MAU2: variants seen among roughly 807,000 people sequenced by gnomAD.
MAU2 encodes MAU2 chromatid cohesion factor homolog.
MAU2 carries 9 observed loss-of-function variants against 89.1 expected under a neutral mutation model. That is an observed-to-expected ratio of 0.10 (90% confidence interval 0.06 to 0.18). The LOEUF (loss-of-function observed/expected upper bound fraction) is 0.18. Ranked by LOEUF, MAU2 falls within the 10% of genes least tolerant of loss-of-function variation. The pLI is 1.00. For missense variants in MAU2, 425 were observed against 803.5 expected, an observed-to-expected ratio of 0.53 and a Z score of 5.69; for synonymous variants, 357 against 343.4, an observed-to-expected ratio of 1.04 and a Z score of -0.44.
rs2048197427 is a variant in MAU2, at chr19:19,357,900, G to C, written c.*2118G>C. 6.6e-6 allele frequency: 1 copy of C among 151,870 alleles called. No homozygotes were observed. Among genetic ancestry groups the C allele is most frequent in the South Asian group, 2.1e-4 (1 of 4,814 alleles). The allele number at this position is 151,870 out of a possible 1,614,324, so 9.4% of individuals were successfully genotyped here. On this transcript the variant is annotated 3_prime_UTR_variant, in exon 19 of 19. Coordinates refer to ENST00000262815, the MANE Select transcript of MAU2 (RefSeq NM_015329.4). ...TAAGTACTTTCCTGTGGGTCGCTCA[G>C]CGCCTCATAGCATCTCATTCAATTG... is the stretch of plus-strand genomic sequence containing the variant.
chr19:19,340,578 G>A (rs1261651448), intron 5 of MAU2, among the ~76,000 whole-genome samples: 1 of 152,120 alleles, frequency 6.6e-6, no homozygotes, highest in African/African-American at 2.4e-5. Flanking sequence ...GGCTGAGCTT[G>A]CAGTGAGCTG....
At chr19:19,321,697 CA>C (rs2061458779) in intron 1 of MAU2, 1 of 152,318 alleles carries the variant, frequency 6.6e-6, no homozygotes, top group Admixed American at 6.5e-5. Flanking sequence ...CTTGTGCCCC[CA>C]TCAATAATGC....
At chr19:19,338,411 G>A (rs1426412165) in intron 4 of MAU2, among the ~76,000 whole-genome samples, 1 of 152,236 alleles carries the variant, frequency 6.6e-6, no homozygotes, top group Non-Finnish European at 1.5e-5. Flanking sequence ...CCAGGCATGT[G>A]CCTCCCTTTC....
rs373693294 is a variant in MAU2, at chr19:19,354,341, C to T, written c.1549-14C>T. On this transcript the variant is annotated splice_polypyrimidine_tract_variant and intron_variant, in intron 16 of 18. Transcript: ENST00000262815. ...CCAGGCTCCTCACTCCCCCTTGCTG[C>T]TCTTGGTTGACAGGAGAGTAACAAC... The T allele has an allele frequency of 1.9e-6, 3 of 1,610,342 alleles. No individual in the cohort carries two copies. In the African/African-American group the frequency reaches 4.0e-5, roughly 22 times the overall value.
intron 5 of MAU2, 78 bp from the exon 6 acceptor site, chr19:19,340,768 T>C: frequency 6.5e-7 from 1 of 1,532,646 alleles, no homozygotes; most frequent in African/African-American, 1.4e-5. Flanking sequence ...TTAGGTCCTG[T>C]GAGCCTTGGG....
chr19:19,354,172 T>C, intron 16 of MAU2, 183 bp from the exon 17 acceptor site: 1 of 624,054 alleles, frequency 1.6e-6, no homozygotes, highest in South Asian at 1.8e-5. Context: ...TCAGTGATAC[T>C]TCAGAGAGGG....
chr19:19,346,490 AAC>A (rs1453126959), intron 12 of MAU2, among the ~76,000 whole-genome samples: 1 of 151,804 alleles, frequency 6.6e-6, no homozygotes. Flanking sequence ...CCTAACCCCA[AAC>A]ACACACGCCT....
intron 6 of MAU2, 152 bp downstream of exon 6, chr19:19,341,025 G>A: frequency 2.0e-5 from 22 of 1,125,668 alleles, no homozygotes; most frequent in Non-Finnish European, 2.6e-5. Flanking sequence ...GGAATGTGAG[G>A]CCCGGGCCCT....
At chr19:19,343,405 C>G (rs2146691272) in intron 9 of MAU2, among the ~76,000 whole-genome samples, 1 of 152,318 alleles carries the variant, frequency 6.6e-6, no homozygotes, top group South Asian at 2.1e-4. Flanking sequence ...CGGATAGGCC[C>G]TGTGCTTCTC....
intron 13 of MAU2, chr19:19,348,686 C>T (rs1327157462): frequency 6.0e-6 from 4 of 668,000 alleles, no homozygotes; most frequent in East Asian, 2.7e-5. Flanking sequence ...CAGGGTGGCA[C>T]AGGCAGGGCT....
chr19:19,322,594 T>A (rs1271691500), intron 1 of MAU2, among the ~76,000 whole-genome samples: 1 of 151,990 alleles, frequency 6.6e-6, no homozygotes, highest in Non-Finnish European at 1.5e-5. Context: ...TGAAACCCTG[T>A]CTCAGAAAAA....
chr19:19,344,601 A>G (rs932624142), intron 10 of MAU2: 4 of 565,778 alleles, frequency 7.1e-6, no homozygotes, highest in African/African-American at 1.9e-5. Flanking sequence ...AGTAGGCTGG[A>G]GGTCCTTTAC....
intron 1 of MAU2, chr19:19,321,566 G>C (rs2061456858): frequency 6.3e-6 from 1 of 157,982 alleles, no homozygotes; most frequent in South Asian, 1.9e-4. Flanking sequence ...TTGGGGTAGG[G>C]GTTGGCGAAG....
intron 9 of MAU2, 24 bp downstream of exon 9, chr19:19,342,890 A>C (rs543012604): frequency 6.2e-7 from 1 of 1,612,274 alleles, no homozygotes; most frequent in Non-Finnish European, 8.5e-7. Context: ...TCGGCTGGCC[A>C]CATGGCCACA....
chr19:19,355,003 T>C, intron 17 of MAU2: 1 of 441,166 alleles, frequency 2.3e-6, no homozygotes, highest in Non-Finnish European at 4.2e-6. Context: ...GCCTGAGGGC[T>C]GGCCATGGGC....
intron 1 of MAU2, among the ~76,000 whole-genome samples, chr19:19,323,418 T>C (rs2061479680): frequency 6.6e-6 from 1 of 152,184 alleles, no homozygotes; most frequent in Non-Finnish European, 1.5e-5. Flanking sequence ...GGTTTCGAAC[T>C]CCTGACCTCA....
chr19:19,335,078 G>C (rs2061585767), intron 1 of MAU2, among the ~76,000 whole-genome samples: 1 of 152,190 alleles, frequency 6.6e-6, no homozygotes, highest in Admixed American at 6.5e-5. Context: ...GAACTTTAGG[G>C]CACAGTGGTC....
chr19:19,343,870 A>G lies in MAU2; in HGVS notation c.1007A>G (p.Gln336Arg). 1 of 1,613,710 alleles carries G rather than the reference A, an allele frequency of 6.2e-7. No individual in the cohort carries two copies. The highest frequency in any genetic ancestry group is 8.5e-7 in the Non-Finnish European group (1 of 1,179,994). Reference protein sequence around the residue: ...LDCSPILSSFQVILLEHIIMC... With the variant: ...LDCSPILSSFRVILLEHIIMC... ...TGCAGCCCCATCCTGTCATCCTTCC[A>G]AGTGATCCTGCTGGAGCACATCATC... The change falls in exon 10 of 19, where the codon CAA becomes CGA. Residue 336 changes from glutamine (Q) to arginine (R), a missense_variant. Transcript: ENST00000262815.
At chr19:19,351,236 G>T (rs1260016252) in intron 16 of MAU2, among the ~76,000 whole-genome samples, 1 of 151,690 alleles carries the variant, frequency 6.6e-6, no homozygotes. Flanking sequence ...TTTTGGTAGA[G>T]ACTGGGTCTC....
Sources: gnomAD v4.1 joint callset for allele counts (sites outside exome capture counted in the v4.1 genomes callset) on GRCh38, gnomAD v4.1.1 for gene constraint, MANE v1.5 for transcripts, NCBI Gene and HGNC (gene_info 2026-07-23, HGNC 2026-07-21) for gene names.